ABR: variants seen among roughly 807,000 people sequenced by gnomAD.
The protein encoded by ABR is active breakpoint cluster region-related protein.
Under a neutral mutation model 107.2 loss-of-function variants are expected in ABR, and 35 were observed. The ratio of observed to expected loss-of-function variants is 0.33; its 90% CI spans 0.25 to 0.43. The LOEUF (loss-of-function observed/expected upper bound fraction) is 0.43. Among genes scored for constraint, ABR ranks in the 20% least tolerant of loss-of-function variants. The pLI, the probability that ABR is intolerant of heterozygous loss-of-function variation, is 1.00. For synonymous variants in ABR, 498 were observed against 462.0 expected (o/e 1.08, Z -1.00); for missense variants, 815 against 1,115.2 (o/e 0.73, Z 3.83).
chr17:1,100,021 G>C (rs1396814836), intron 3 of ABR, among the ~76,000 whole-genome samples: 1 of 151,974 alleles, frequency 6.6e-6, no homozygotes, highest in Non-Finnish European at 1.5e-5. Context: ...AGCCACTCGG[G>C]AGGCTGAGGC....
At chr17:1,188,661 G>T (rs1199068328), upstream of ABR, among the ~76,000 whole-genome samples, 2 of 152,202 alleles carry the variant, frequency 1.3e-5, no homozygotes, top group Non-Finnish European at 2.9e-5. Flanking sequence ...AACATCTGTT[G>T]TAAGTGCCAA....
intron 1 of ABR, among the ~76,000 whole-genome samples, chr17:1,146,939 C>G (rs113750770): frequency 2.6e-4 from 39 of 152,358 alleles, no homozygotes; most frequent in African/African-American, 8.9e-4. Flanking sequence ...GGCCACAGAG[C>G]AGGCTCAAGG....
intron 9 of ABR, among the ~76,000 whole-genome samples, chr17:1,068,076 G>A (rs574803030): frequency 5.9e-5 from 9 of 152,140 alleles, no homozygotes; most frequent in Non-Finnish European, 1.3e-4. Flanking sequence ...GGGATTATAG[G>A]TGCCTGCCAT....
chr17:1,046,504 C>G (rs548544280), intron 16 of ABR, among the ~76,000 whole-genome samples: 1 of 152,152 alleles, frequency 6.6e-6, no homozygotes, highest in Admixed American at 6.5e-5. Flanking sequence ...CTCCTGACCT[C>G]GTGATCAGCC....
At chr17:1,159,274 A>ACT (rs1567840651) in intron 1 of ABR, among the ~76,000 whole-genome samples, 5 of 75,578 alleles carry the variant, frequency 6.6e-5, no homozygotes, top group African/African-American at 3.1e-4. Flanking sequence ...TGCGGTACTC[A>ACT]CACACGGGAG....
intron 1 of ABR, among the ~76,000 whole-genome samples, chr17:1,151,375 G>T (rs1353313318): frequency 1.3e-5 from 2 of 152,076 alleles, no homozygotes; most frequent in African/African-American, 4.8e-5. Flanking sequence ...AATCCCTAGA[G>T]GGCCCCAAGC....
chr17:1,208,979 G>A (rs1464010468), intron 1 of ABR, among the ~76,000 whole-genome samples: 1 of 151,706 alleles, frequency 6.6e-6, no homozygotes, highest in Non-Finnish European at 1.5e-5. Context: ...ATACATGTAT[G>A]TAGTGAACAC....
At position 1,011,049 on chromosome 17, in the gene ABR, G is replaced by C. The variant is rs1231363055; in HGVS notation, c.2102-186C>G. The stretch of plus-strand genomic sequence containing the variant: ...TCTGTGGGTCGGGGTTGGGGGAACA[G>C]GGAGAGATAGCCTGGGGGCCATCTG... On this transcript the variant is annotated intron_variant, in intron 19 of 22. Transcript: ENST00000302538. This position sits in a 1 kb window ranked among gnomAD's most constrained non-coding sequence, Gnocchi z 4.8. The C allele has an allele frequency of 4.3e-6, 3 of 694,618 alleles. No homozygotes were observed. The highest frequency in any genetic ancestry group is 7.1e-6 in the Non-Finnish European group (3 of 422,468). The allele number at this position is 694,618 out of a possible 1,614,324, so 43.0% of individuals were successfully genotyped here.
At chr17:1,220,293 A>G (rs377129171) in intron 1 of ABR, among the ~76,000 whole-genome samples, 5 of 138,716 alleles carry the variant, frequency 3.6e-5, no homozygotes, top group Middle Eastern at 4.0e-3. Flanking sequence ...TCCGTCTAAA[A>G]AAAAAAAAAA....
Position 1,071,753 on chromosome 17 carries a change from G to A in ABR, c.894+861C>T, listed in dbSNP as rs1276353880. ...TCACACTGGCCAGAGGCAGGTGTCT[G>A]CATTCAAGAATGAGGCACCCGGAGG... On this transcript the variant is annotated intron_variant, in intron 8 of 22. Transcript: ENST00000302538. This position sits in a 1 kb window ranked among gnomAD's most constrained non-coding sequence, Gnocchi z 5.1. 2.0e-5 allele frequency among the ~76,000 whole-genome samples: 3 copies of A among 152,260 alleles called. No individual in the cohort carries two copies. The highest frequency in any genetic ancestry group is 7.2e-5 in the African/African-American group (3 of 41,476).
chr17:1,199,767 A>G (rs1054600827), intron 1 of ABR, among the ~76,000 whole-genome samples: 3 of 152,088 alleles, frequency 2.0e-5, no homozygotes, highest in African/African-American at 4.8e-5. Flanking sequence ...TTTTAAAACT[A>G]TAAGTTTATT....
chr17:1,158,762 T>TAAA (rs142332984), intron 1 of ABR, among the ~76,000 whole-genome samples: 1 of 144,464 alleles, frequency 6.9e-6, no homozygotes, highest in African/African-American at 2.5e-5. Context: ...GACTCTGTCT[T>TAAA]AAAAAAAAAA....
At chr17:1,194,751 T>C (rs2042516917) in intron 1 of ABR, among the ~76,000 whole-genome samples, 1 of 124,244 alleles carries the variant, frequency 8.0e-6, no homozygotes, top group African/African-American at 2.7e-5. Flanking sequence ...CCTCCCGGGT[T>C]CAAGCAATCC....
chr17:1,095,990 G>A (rs1011575884), intron 3 of ABR, among the ~76,000 whole-genome samples: 1 of 152,206 alleles, frequency 6.6e-6, no homozygotes, highest in Non-Finnish European at 1.5e-5. Context: ...CGGTGGGAGG[G>A]GCTCTGGGGA....
At chr17:1,012,134 C>A in intron 18 of ABR, 149 bp from the exon 19 acceptor site, 1 of 1,215,910 alleles carries the variant, frequency 8.2e-7, no homozygotes, top group Admixed American at 2.0e-5. Context: ...GAGAAAGAGG[C>A]CACCGCACCC....
At chr17:1,167,267 A>T (rs1317037950) in intron 1 of ABR, among the ~76,000 whole-genome samples, 1 of 151,994 alleles carries the variant, frequency 6.6e-6, no homozygotes, top group Non-Finnish European at 1.5e-5. Flanking sequence ...TCCCTGCTCC[A>T]GGACTCTCCG....
intron 2 of ABR, chr17:1,108,792 G>C: frequency 3.7e-6 from 4 of 1,079,204 alleles, no homozygotes; most frequent in Non-Finnish European, 4.9e-6. Flanking sequence ...TCTCCCCCGG[G>C]AACAGCTGCC....
intron 16 of ABR, among the ~76,000 whole-genome samples, chr17:1,015,705 G>A (rs530509035): frequency 3.3e-5 from 5 of 152,022 alleles, no homozygotes; most frequent in Non-Finnish European, 5.9e-5. Context: ...TGATCCACCC[G>A]CCTCGGTCTC....
At position 1,193,836 on chromosome 17, in the gene ABR, A is replaced by G. The variant is rs1039633592; in HGVS notation, c.838+34957T>C. On this transcript the variant is annotated intron_variant, in intron 1 of 22. Coordinates refer to the ABR transcript ENST00000574139. ...CTCCTGAATAACTGGGACTACAGGC[A>G]CCCGCCACCACGCCCAGCTAATTTT... Among the ~76,000 whole-genome samples, 5 of 150,684 alleles carry G rather than the reference A, an allele frequency of 3.3e-5. No individual in the cohort carries two copies. The South Asian group carries it at 8.4e-4, about 25-fold the overall frequency.
Sources: gnomAD v4.1 joint callset for allele counts (sites outside exome capture counted in the v4.1 genomes callset) on GRCh38, gnomAD v4.1.1 for gene constraint, Gnocchi (gnomAD v3.1) non-coding constraint, MANE v1.5 for transcripts, NCBI Gene and HGNC (gene_info 2026-07-23, HGNC 2026-07-21) for gene names.